PTPRM: variants seen among roughly 807,000 people sequenced by gnomAD.
The protein encoded by PTPRM is receptor-type tyrosine-protein phosphatase mu.
PTPRM carries 47 observed loss-of-function variants against 186.7 expected under a neutral mutation model. The ratio of observed to expected loss-of-function variants is 0.25; its 90% CI spans 0.20 to 0.32. The LOEUF (loss-of-function observed/expected upper bound fraction) is 0.32, where lower values mean the gene tolerates loss of function less well. PTPRM is among the 10% of genes least tolerant of loss of function. PTPRM has a pLI of 1.00. For missense variants in PTPRM, 1,494 were observed against 1,865.0 expected (o/e 0.80, Z 3.66); for synonymous variants, 668 against 674.9 (o/e 0.99, Z 0.16).
At chr18:7,894,747 A>G (rs998615655) in intron 3 of PTPRM, among the ~76,000 whole-genome samples, 4 of 152,110 alleles carry the variant, frequency 2.6e-5, no homozygotes, top group Non-Finnish European at 5.9e-5. Flanking sequence ...AGCTGAAGAC[A>G]AGATAATAGG....
chr18:7,815,300 C>G (rs1215670796), intron 2 of PTPRM: 1 of 152,230 alleles, frequency 6.6e-6, no homozygotes, highest in East Asian at 1.9e-4. Context: ...TTCTCCTCTG[C>G]CGCAGTACCC....
At chr18:8,270,621 A>G (rs1322866651) in intron 19 of PTPRM, among the ~76,000 whole-genome samples, 2 of 152,196 alleles carry the variant, frequency 1.3e-5, no homozygotes, top group African/African-American at 4.8e-5. Context: ...TTATCAATAG[A>G]TGAATGGATG....
chr18:7,851,396 T>A (rs1474605467), intron 2 of PTPRM, among the ~76,000 whole-genome samples: 1 of 152,058 alleles, frequency 6.6e-6, no homozygotes, highest in Non-Finnish European at 1.5e-5. Flanking sequence ...AACTTATATA[T>A]GCTGTCATCA....
chr18:7,829,922 C>G (rs1268426629), intron 2 of PTPRM, among the ~76,000 whole-genome samples: 4 of 151,854 alleles, frequency 2.6e-5, no homozygotes, highest in African/African-American at 9.7e-5. Context: ...ATTGATTATC[C>G]TCATTTTTTT....
intron 14 of PTPRM, among the ~76,000 whole-genome samples, chr18:8,232,347 T>G (rs967774397): frequency 2.0e-5 from 3 of 152,228 alleles, no homozygotes; most frequent in Non-Finnish European, 4.4e-5. Context: ...GTTTAGCCAT[T>G]CACCTATTGA....
intron 22 of PTPRM, among the ~76,000 whole-genome samples, chr18:8,320,787 C>T (rs1248510166): frequency 6.6e-6 from 1 of 152,200 alleles, no homozygotes; most frequent in Non-Finnish European, 1.5e-5. Context: ...CCTGCTGGAG[C>T]TCCCACTGTC....
chr18:8,285,523 TTC>T (rs1404421878), intron 19 of PTPRM, among the ~76,000 whole-genome samples: 2 of 152,214 alleles, frequency 1.3e-5, no homozygotes, highest in African/African-American at 2.4e-5. Flanking sequence ...TTAGTTGTCG[TTC>T]AATACTTTTG....
In PTPRM at chr18:7,671,964, G is replaced by A. The variant is rs144689360; in HGVS notation, c.74-102185G>A. ...CAACATTTATTAACTTTTAAACGTC[G>A]TTTCGTAGGGAAGAATCTCCCTCCT... is the stretch of plus-strand genomic sequence containing the variant. On this transcript the variant is annotated intron_variant, in intron 1 of 32. Transcript: ENST00000580170. Among the ~76,000 whole-genome samples the A allele has an allele frequency of 3.9e-4, 60 of 152,268 alleles. 1 individual carries two copies. The highest frequency in any genetic ancestry group is 1.0e-3 in the African/African-American group (42 of 41,560).
At chr18:8,047,012 A>G (rs1014000773) in intron 7 of PTPRM, among the ~76,000 whole-genome samples, 3 of 152,184 alleles carry the variant, frequency 2.0e-5, no homozygotes, top group Non-Finnish European at 4.4e-5. Flanking sequence ...GTTTTTTCTT[A>G]ATTTGAAAGA....
rs2095906035 is a variant in PTPRM at position 8,406,287 on chromosome 18, TA to T, written c.*127del. 4.5e-6 allele frequency: 4 copies of T among 886,972 alleles called. No homozygotes were observed. In the East Asian group the frequency reaches 1.0e-4, roughly 22 times the overall value. The allele number at this position is 886,972 out of a possible 1,614,324, so 54.9% of individuals were successfully genotyped here. A position where few individuals can be genotyped will look rare whatever the true frequency, so the allele number is the denominator to read the frequency against. On this transcript the variant is annotated 3_prime_UTR_variant, in exon 33 of 33. Coordinates refer to ENST00000580170, the MANE Select transcript of PTPRM (RefSeq NM_001105244.2). Reference sequence around the variant, plus strand: ...TTTGCTTTGCATAATTGGCTCTTTTTAAGAGCCCAAGAAAGTGTTTCTAAAA... The same window carrying T: ...TTTGCTTTGCATAATTGGCTCTTTTTAGAGCCCAAGAAAGTGTTTCTAAAA...
Position 8,231,865 on chromosome 18 carries a change from A to AAC in PTPRM, c.2301-12181_2301-12180dup, listed in dbSNP as rs375720842. Reference sequence around the variant, plus strand: ...CATATAGTTCTAACACCCCCCTGCCAACACACACACACAGTATCCTCATTT... The same window carrying AAC: ...CATATAGTTCTAACACCCCCCTGCCAACACACACACACACAGTATCCTCATTT... On this transcript the variant is annotated intron_variant, in intron 14 of 32. Transcript: ENST00000580170. Among the ~76,000 whole-genome samples the AAC allele has an allele frequency of 3.9e-4, 59 of 152,114 alleles. No individual in the cohort carries two copies. The East Asian group carries it at 9.3e-3, about 24-fold the overall frequency.
intron 1 of PTPRM, among the ~76,000 whole-genome samples, chr18:7,673,528 AAC>A (rs774063021): frequency 8.5e-5 from 13 of 152,206 alleles, no homozygotes; most frequent in Non-Finnish European, 1.8e-4. Context: ...CACAAATGAA[AAC>A]ACAGGAATCA....
chr18:8,250,248 CTGGATGGA>C, intron 17 of PTPRM, among the ~76,000 whole-genome samples: 1 of 151,948 alleles, frequency 6.6e-6, no homozygotes. Flanking sequence ...GGTTGGATAG[CTGGATGGA>C]TGGATGGATG....
chr18:8,144,091 A>G (rs1310870169), intron 14 of PTPRM, among the ~76,000 whole-genome samples: 2 of 152,210 alleles, frequency 1.3e-5, no homozygotes, highest in African/African-American at 2.4e-5. Flanking sequence ...AATGTTTAGT[A>G]CTGATTTCCA....
At chr18:8,325,007 A>G (rs2095367158) in intron 22 of PTPRM, among the ~76,000 whole-genome samples, 1 of 152,210 alleles carries the variant, frequency 6.6e-6, no homozygotes, top group Non-Finnish European at 1.5e-5. Context: ...TCGCTTAATC[A>G]TTAGGAACAC....
At chr18:8,401,086 C>A (rs2095869969) in intron 32 of PTPRM, among the ~76,000 whole-genome samples, 1 of 152,040 alleles carries the variant, frequency 6.6e-6, no homozygotes, top group African/African-American at 2.4e-5. Flanking sequence ...CCCCTACACT[C>A]AGCACCAGCC....
chr18:8,024,346 A>C (rs2085426274), intron 7 of PTPRM, among the ~76,000 whole-genome samples: 1 of 151,828 alleles, frequency 6.6e-6, no homozygotes. Flanking sequence ...TTGGGGCCTG[A>C]TCGATTGTTC....
intron 23 of PTPRM, among the ~76,000 whole-genome samples, chr18:8,359,537 G>A (rs1301685396): frequency 6.6e-6 from 1 of 152,218 alleles, no homozygotes; most frequent in East Asian, 1.9e-4. Context: ...CCTGGGCTTG[G>A]GGCCTCTGTT....
chr18:8,140,230 C>T (rs1318523881), intron 13 of PTPRM, among the ~76,000 whole-genome samples: 1 of 152,072 alleles, frequency 6.6e-6, no homozygotes, highest in Admixed American at 6.5e-5. Context: ...GGCTTGTACC[C>T]TTGGATCTTC....
Sources: allele counts gnomAD v4.1 joint callset (sites outside exome capture counted in the v4.1 genomes callset), GRCh38; gene constraint gnomAD v4.1.1; transcripts MANE v1.5; gene names NCBI Gene and HGNC (gene_info 2026-07-23, HGNC 2026-07-21).